The following MSRB3 variants were observed in gnomAD, a reference collection of about 807,000 sequenced individuals.
MSRB3 encodes methionine sulfoxide reductase B3, also known as methionine-R-sulfoxide reductase B3.
A neutral mutation model predicts 21.0 loss-of-function variants in MSRB3; 13 were observed. That is an observed-to-expected ratio of 0.62 (90% CI 0.40 to 0.98). The LOEUF (loss-of-function observed/expected upper bound fraction) is 0.98, where lower values mean the gene tolerates loss of function less well. Ranked by LOEUF, MSRB3 falls within the 50% of genes least tolerant of loss-of-function variation. MSRB3 has a pLI of 0.00. For synonymous variants in MSRB3, 87 were observed against 88.6 expected, an observed-to-expected ratio of 0.98 and a Z score of 0.10; for missense variants, 199 against 230.3, an observed-to-expected ratio of 0.86 and a Z score of 0.88.
chr12:65,420,804 G>A (rs1009828791), intron 5 of MSRB3, among the ~76,000 whole-genome samples: 1 of 152,134 alleles, frequency 6.6e-6, no homozygotes, highest in African/African-American at 2.4e-5. Flanking sequence ...ACATGGTCTT[G>A]TTTTCTTATG....
chr12:65,453,676 A>C, intron 5 of MSRB3, 52 bp from the exon 6 acceptor site: 1 of 1,316,452 alleles, frequency 7.6e-7, no homozygotes, highest in Non-Finnish European at 1.1e-6. Context: ...TTCTAACCCA[A>C]GGCTGTGTAT....
chr12:65,320,786 T>C (rs778067586), intron 2 of MSRB3, among the ~76,000 whole-genome samples: 2 of 152,228 alleles, frequency 1.3e-5, no homozygotes, highest in Non-Finnish European at 2.9e-5. Context: ...TGTATTAAGA[T>C]ACGTAGTTGT....
intron 5 of MSRB3, among the ~76,000 whole-genome samples, chr12:65,447,012 A>G (rs945598243): frequency 2.0e-5 from 3 of 152,232 alleles, no homozygotes; most frequent in Non-Finnish European, 4.4e-5. Context: ...CTCTTAAGAT[A>G]TTAAACAGCT....
chr12:65,322,846 A>G (rs1227179822), intron 2 of MSRB3, among the ~76,000 whole-genome samples: 1 of 152,094 alleles, frequency 6.6e-6, no homozygotes, highest in Non-Finnish European at 1.5e-5. Flanking sequence ...TTCTAGAATT[A>G]TTGAGAAGAT....
At chr12:65,457,969 T>C (rs2136710800) in intron 6 of MSRB3, among the ~76,000 whole-genome samples, 1 of 152,358 alleles carries the variant, frequency 6.6e-6, no homozygotes, top group South Asian at 2.1e-4. Context: ...TTGTCTTTTC[T>C]CTGGACTGAG....
intron 5 of MSRB3, among the ~76,000 whole-genome samples, chr12:65,427,136 T>C (rs1233808443): frequency 2.6e-5 from 4 of 152,202 alleles, no homozygotes; most frequent in Non-Finnish European, 5.9e-5. Flanking sequence ...TGTTAATCTT[T>C]GCACATTTGG....
At chr12:65,369,802 AG>A (rs1439027223) in intron 5 of MSRB3, among the ~76,000 whole-genome samples, 2 of 152,196 alleles carry the variant, frequency 1.3e-5, no homozygotes, top group African/African-American at 4.8e-5. Flanking sequence ...TTTGAATTCC[AG>A]GAGAAAATAA....
At chr12:65,426,034 TTTTA>T (rs1218533695) in intron 5 of MSRB3, among the ~76,000 whole-genome samples, 1 of 151,956 alleles carries the variant, frequency 6.6e-6, no homozygotes, top group Non-Finnish European at 1.5e-5. Context: ...TTTTTTCTAT[TTTTA>T]GTAGAGAGGG....
chr12:65,411,472 G>C lies in MSRB3; in HGVS notation c.293-42256G>C, dbSNP rs1278341311. ...AGATCTCCTTTTTAAAACCTCACAAGTAGAAAGGAATGTAAAATTTGTACT... is the reference window on the plus strand; with the variant it reads ...AGATCTCCTTTTTAAAACCTCACAACTAGAAAGGAATGTAAAATTTGTACT... On this transcript the variant is annotated intron_variant, in intron 5 of 6. Coordinates refer to ENST00000308259, the MANE Select transcript of MSRB3 (RefSeq NM_001031679.3). 2.0e-5 allele frequency among the ~76,000 whole-genome samples: 3 copies of C among 152,102 alleles called. No individual in the cohort carries two copies. In the East Asian group the frequency reaches 5.8e-4, roughly 29 times the overall value.
At chr12:65,386,542 T>C (rs932861236) in intron 5 of MSRB3, among the ~76,000 whole-genome samples, 9 of 151,992 alleles carry the variant, frequency 5.9e-5, no homozygotes, top group African/African-American at 2.2e-4. Context: ...TGGTTAAAAA[T>C]ACACTTAAAC....
At chr12:65,345,625 C>CA (rs1449574268) in intron 4 of MSRB3, among the ~76,000 whole-genome samples, 1 of 152,128 alleles carries the variant, frequency 6.6e-6, no homozygotes, top group East Asian at 1.9e-4. Context: ...TACGTATGCA[C>CA]AACGTGCAGG....
At chr12:65,345,704 T>C (rs1876448295) in intron 4 of MSRB3, among the ~76,000 whole-genome samples, 1 of 152,120 alleles carries the variant, frequency 6.6e-6, no homozygotes, top group South Asian at 2.1e-4. Flanking sequence ...TAACATTAGG[T>C]ATATCTCCTA....
At chr12:65,438,454 T>G (rs1352716297) in intron 5 of MSRB3, among the ~76,000 whole-genome samples, 1 of 151,926 alleles carries the variant, frequency 6.6e-6, no homozygotes, top group Non-Finnish European at 1.5e-5. Context: ...ATAGGCTCAC[T>G]AAATTCTACA....
chr12:65,372,539 A>G (rs1878384392), intron 5 of MSRB3, among the ~76,000 whole-genome samples: 1 of 152,218 alleles, frequency 6.6e-6, no homozygotes, highest in Non-Finnish European at 1.5e-5. Flanking sequence ...TGGCTTGCCT[A>G]GGATTGTGTG....
At chr12:65,427,124 T>C (rs1769082439) in intron 5 of MSRB3, among the ~76,000 whole-genome samples, 1 of 152,198 alleles carries the variant, frequency 6.6e-6, no homozygotes, top group Non-Finnish European at 1.5e-5. Context: ...CTTGTTGCCT[T>C]ATGTTAATCT....
Position 65,300,644 on chromosome 12 carries a change from A to G in MSRB3, c.-51-7885A>G, listed in dbSNP as rs554340724. 9.2e-5 allele frequency among the ~76,000 whole-genome samples: 14 copies of G among 152,320 alleles called. No homozygotes were observed. In the South Asian group the frequency reaches 2.1e-3, roughly 23 times the overall value. ...GGTAATTCTCTAAGCTTCAGTTTCA[A>G]TTGGAACAAATAGCCCCCAAATCCC... On this transcript the variant is annotated intron_variant, in intron 1 of 6. Coordinates refer to ENST00000308259, the MANE Select transcript of MSRB3 (RefSeq NM_001031679.3).
At chr12:65,448,476 A>G (rs1882715394) in intron 5 of MSRB3, among the ~76,000 whole-genome samples, 1 of 152,222 alleles carries the variant, frequency 6.6e-6, no homozygotes, top group Non-Finnish European at 1.5e-5. Context: ...TTATGTAGGT[A>G]TAAGTACTAA....
rs1876160616 is a variant in MSRB3, at chr12:65,341,800, GT to G, written c.263+13200del. On this transcript the variant is annotated intron_variant, in intron 4 of 6. Transcript: ENST00000308259. ...AAGTAACATGTCATGACAAGGTAAG[GT>G]TTATTTCAGGGATGTACAAATGGTT... is the stretch of plus-strand genomic sequence containing the variant. Among the ~76,000 whole-genome samples the G allele has an allele frequency of 2.0e-5, 3 of 152,000 alleles. No individual in the cohort carries two copies. The South Asian group carries it at 6.2e-4, about 32-fold the overall frequency.
At chr12:65,351,967 G>A (rs1018494472) in intron 4 of MSRB3, among the ~76,000 whole-genome samples, 1 of 152,124 alleles carries the variant, frequency 6.6e-6, no homozygotes, top group Admixed American at 6.6e-5. Flanking sequence ...ATTTTATGAG[G>A]CCAGCATCAT....
Sources: gnomAD v4.1 joint callset for allele counts (sites outside exome capture counted in the v4.1 genomes callset) on GRCh38, gnomAD v4.1.1 for gene constraint, MANE v1.5 for transcripts, NCBI Gene and HGNC (gene_info 2026-07-23, HGNC 2026-07-21) for gene names.